CD6: variants seen among roughly 807,000 people sequenced by gnomAD.
CD6 encodes the protein CD6 molecule, also known as T-cell differentiation antigen CD6.
CD6 carries 53 observed loss-of-function variants against 75.3 expected under a neutral mutation model. That is an observed-to-expected ratio of 0.70 (90% CI 0.56 to 0.88). CD6 has a LOEUF of 0.88. CD6 is among the 40% of genes least tolerant of loss of function. The pLI is 0.00. For synonymous variants in CD6, 359 were observed against 381.5 expected (o/e 0.94, Z 0.69); for missense variants, 770 against 897.1 (o/e 0.86, Z 1.81).
At chr11:60,988,768 G>A (rs1453685488) in intron 1 of CD6, among the ~76,000 whole-genome samples, 1 of 152,176 alleles carries the variant, frequency 6.6e-6, no homozygotes, top group Non-Finnish European at 1.5e-5. Flanking sequence ...GAGCGGGGAG[G>A]ATTTTCACCC....
intron 8 of CD6, among the ~76,000 whole-genome samples, chr11:61,014,834 A>G (rs1213711297): frequency 2.0e-5 from 3 of 152,236 alleles, no homozygotes; most frequent in African/African-American, 7.2e-5. Flanking sequence ...TTGCATTATG[A>G]ATGTATTCAA....
At chr11:61,013,000 A>G (rs1407972336) in intron 6 of CD6, among the ~76,000 whole-genome samples, 1 of 152,128 alleles carries the variant, frequency 6.6e-6, no homozygotes, top group Admixed American at 6.6e-5. Flanking sequence ...GTGCCTCATC[A>G]TACTGGACTG....
Position 60,990,987 on chromosome 11 carries a change from C to T in CD6, c.50-15587C>T, listed in dbSNP as rs143111282. ...TAATTTTCTTCTGTTACAAACAGTT[C>T]CGCAGAAAGTATCCCTGCACACATC... is the stretch of plus-strand genomic sequence containing the variant. On this transcript the variant is annotated intron_variant, in intron 1 of 12. Transcript: ENST00000313421. Among the ~76,000 whole-genome samples the T allele has an allele frequency of 6.8e-3, 1,039 of 152,006 alleles. 7 individuals are homozygous for T. The highest frequency in any genetic ancestry group is 0.011 in the Non-Finnish European group (716 of 67,982).
At chr11:61,014,347 C>T (rs1052655827) in intron 8 of CD6, among the ~76,000 whole-genome samples, 2 of 152,214 alleles carry the variant, frequency 1.3e-5, no homozygotes, top group Non-Finnish European at 2.9e-5. Context: ...ATATCATCAT[C>T]CCTATCAATG....
At position 61,010,998 on chromosome 11, in the gene CD6, C is replaced by G. The variant is rs903631493; in HGVS notation, c.1085-72C>G. On this transcript the variant is annotated intron_variant, in intron 5 of 12. Coordinates refer to ENST00000313421, the MANE Select transcript of CD6 (RefSeq NM_006725.5). Reference sequence around the variant, plus strand: ...GTCACTTGTCTGTCCCATTCAGTTTCTAACCCAAGGCCTGGCACACAGTAG... The same window carrying G: ...GTCACTTGTCTGTCCCATTCAGTTTGTAACCCAAGGCCTGGCACACAGTAG... 44 of 1,406,038 alleles carry G rather than the reference C, an allele frequency of 3.1e-5. No individual in the cohort carries two copies. In the Middle Eastern group the frequency reaches 7.0e-4, roughly 23 times the overall value. The allele number at this position is 1,406,038 out of a possible 1,614,324, so 87.1% of individuals were successfully genotyped here.
At position 61,019,380 on chromosome 11, in the gene CD6, C is replaced by G. The variant is rs1428141330; in HGVS notation, c.*62C>G. 2 of 1,257,640 alleles carry G rather than the reference C, an allele frequency of 1.6e-6. No individual in the cohort carries two copies. The highest frequency in any genetic ancestry group is 3.0e-5 in the African/African-American group (2 of 67,666). 77.9% of individuals were successfully genotyped at this position (1,257,640 alleles called of 1,614,324 possible). A position where few individuals can be genotyped will look rare whatever the true frequency, so the allele number is the denominator to read the frequency against. ...CCTCTGGCCTCCTGCTCTACCTACT[C>G]CCTTTCCCCTTTCCCACCCTCCCAG... On this transcript the variant is annotated 3_prime_UTR_variant, in exon 13 of 13. Coordinates refer to ENST00000313421, the MANE Select transcript of CD6 (RefSeq NM_006725.5).
intron 1 of CD6, among the ~76,000 whole-genome samples, chr11:60,986,239 CT>C (rs1243535520): frequency 2.4e-4 from 37 of 152,346 alleles, no homozygotes; most frequent in African/African-American, 8.4e-4. Context: ...CAGCCAGCAC[CT>C]TCACACAACC....
chr11:61,017,497 T>G lies in CD6; in HGVS notation c.1529T>G (p.Val510Gly). 1 of 1,549,588 alleles carries G rather than the reference T, an allele frequency of 6.5e-7. No individual in the cohort carries two copies. Among genetic ancestry groups the G allele is most frequent in the Non-Finnish European group, 8.7e-7 (1 of 1,146,964 alleles). Reference sequence around the variant, plus strand: ...CTTGCAGATTCCCAGCGGCATCGGGTCACAGATGAGGAGGTCCAGCAAAGC... The same window carrying G: ...CTTGCAGATTCCCAGCGGCATCGGGGCACAGATGAGGAGGTCCAGCAAAGC... Reference protein sequence around the residue: ...TTFYNSQRHRVTDEEVQQSRF... With the variant: ...TTFYNSQRHRGTDEEVQQSRF... The change falls in exon 10 of 13, where the codon GTC (valine) becomes GGC (glycine). Residue 510 changes from valine (V) to glycine (G), a missense_variant. By Grantham distance (109) the Val-to-Gly change is moderately radical. Transcript: ENST00000313421.
rs200814552 is a variant in CD6, at chr11:61,013,491, G to C, written c.1219G>C (p.Val407Leu). ...GCTAATGCTCCTCATCCCCTCCATC[G>C]TTCTGGGAATTCTCCTCCTTGGCTC... ...RELMLLIPSI[V>L]LGILLLGSLI... The change falls in exon 7 of 13, where the codon GTT (valine) becomes CTT (leucine). Residue 407 changes from valine (V) to leucine (L), a missense_variant. Physicochemically the swap from Val to Leu is conservative, Grantham distance 32 (BLOSUM62 1). Transcript: ENST00000313421. 2.8e-5 allele frequency: 45 copies of C among 1,613,962 alleles called. No individual in the cohort carries two copies. The highest frequency in any genetic ancestry group is 7.7e-5 in the South Asian group (7 of 91,074).
In CD6 at chr11:61,007,213, C is replaced by T. The variant is rs185943783; in HGVS notation, c.119-347C>T. ...GAAGCATGCGCCCACTGGACCAGGG[C>T]CCCTGAACTCACAACTCTGCCTTTC... On this transcript the variant is annotated intron_variant, in intron 2 of 12. Coordinates refer to ENST00000313421, the MANE Select transcript of CD6 (RefSeq NM_006725.5). This position sits in a 1 kb window ranked among gnomAD's most constrained non-coding sequence, Gnocchi z 4.2. Among the ~76,000 whole-genome samples, 60 of 152,222 alleles carry T rather than the reference C, an allele frequency of 3.9e-4. No homozygotes were observed. The highest frequency in any genetic ancestry group is 9.8e-4 in the Admixed American group (15 of 15,302).
At chr11:60,974,325 TC>T (rs1021669161) in intron 1 of CD6, among the ~76,000 whole-genome samples, 4 of 152,096 alleles carry the variant, frequency 2.6e-5, no homozygotes, top group South Asian at 2.1e-4. Context: ...CTCTCCTTCT[TC>T]CCCCTTTTAT....
intron 1 of CD6, among the ~76,000 whole-genome samples, chr11:60,973,584 T>C (rs540466942): frequency 1.1e-3 from 164 of 152,236 alleles, no homozygotes; most frequent in African/African-American, 3.8e-3. Flanking sequence ...TAAAAACAAA[T>C]GGTGGCAAAA....
intron 8 of CD6, 158 bp from the exon 9 acceptor site, chr11:61,015,555 A>C (rs541218790): frequency 1.2e-6 from 1 of 816,938 alleles, no homozygotes; most frequent in South Asian, 1.7e-5. Context: ...TGGACAACAG[A>C]GTGAGACCCT....
rs1426931924 is a variant in CD6, at chr11:61,018,294, C to G, written c.1843C>G (p.Pro615Ala). 6.3e-7 allele frequency: 1 copy of G among 1,596,690 alleles called. No individual in the cohort carries two copies. The highest frequency in any genetic ancestry group is 1.3e-5 in the African/African-American group (1 of 74,624). ...CTGGTTCTGGGGGTTTCCAGCAGGG[C>G]CCCCGGCTGATGACAGCTCCAGCAC... Reference protein sequence around the residue: ...AGTQPAFSAGPPADDSSSTSS... With the variant: ...AGTQPAFSAGAPADDSSSTSS... The change falls in exon 12 of 13, where the codon CCC (proline) becomes GCC (alanine). Residue 615 changes from proline (P) to alanine (A), a missense_variant. Pro to Ala is a conservative substitution (Grantham distance 27, BLOSUM62 -1). Coordinates refer to ENST00000313421, the MANE Select transcript of CD6 (RefSeq NM_006725.5).
chr11:61,015,880 G>C, intron 9 of CD6, 45 bp downstream of exon 9: 4 of 1,609,620 alleles, frequency 2.5e-6, no homozygotes, highest in Non-Finnish European at 2.5e-6. Context: ...ACCTGAATCT[G>C]GGAGGGGGCC....
chr11:60,972,018 CTT>C, intron 1 of CD6, 104 bp downstream of exon 1: 1 of 1,221,874 alleles, frequency 8.2e-7, no homozygotes, highest in Non-Finnish European at 1.2e-6. Flanking sequence ...TTTCTAGGAT[CTT>C]TTAGCCAAGA....
rs1859268282 is a variant in CD6 at position 61,013,772 on chromosome 11, T to TTG, written c.1292-137_1292-136dup. 5.5e-6 allele frequency: 4 copies of TTG among 722,240 alleles called. No individual in the cohort carries two copies. In the Middle Eastern group the frequency reaches 8.5e-4, roughly 154 times the overall value. The allele number at this position is 722,240 out of a possible 1,614,324, so 44.7% of individuals were successfully genotyped here. ...TGTGCATGTGTGTGTGTGCCTGTGT[T>TTG]TGTGTGTGTGTTTGTGCGCGCGCAC... On this transcript the variant is annotated intron_variant, in intron 7 of 12. Coordinates refer to ENST00000313421, the MANE Select transcript of CD6 (RefSeq NM_006725.5).
Position 60,971,789 on chromosome 11 carries a change from G to A in CD6, c.-77G>A, listed in dbSNP as rs896227230. The A allele has an allele frequency of 4.2e-5, 61 of 1,461,392 alleles. No homozygotes were observed. The highest frequency in any genetic ancestry group is 2.2e-4 in the African/African-American group (16 of 71,734). The allele number at this position is 1,461,392 out of a possible 1,614,324, so 90.5% of individuals were successfully genotyped here. The stretch of plus-strand genomic sequence containing the variant: ...CAGACCTGCGCCAGGGGCGCACAAC[G>A]GCCGTGTCCACCTCCCGGCCCCAAG... On this transcript the variant is annotated 5_prime_UTR_variant, in exon 1 of 13. Coordinates refer to ENST00000313421, the MANE Select transcript of CD6 (RefSeq NM_006725.5).
intron 1 of CD6, among the ~76,000 whole-genome samples, chr11:60,998,576 A>G (rs1030030260): frequency 6.6e-6 from 1 of 152,074 alleles, no homozygotes; most frequent in Non-Finnish European, 1.5e-5. Context: ...CATTGCCGAG[A>G]AGAGACACCC....
Sources: allele counts gnomAD v4.1 joint callset (sites outside exome capture counted in the v4.1 genomes callset), GRCh38; gene constraint gnomAD v4.1.1; non-coding constraint Gnocchi (gnomAD v3.1); transcripts MANE v1.5; gene names NCBI Gene and HGNC (gene_info 2026-07-23, HGNC 2026-07-21).